RELT: variants seen among roughly 807,000 people sequenced by gnomAD.
RELT encodes the protein tumor necrosis factor receptor superfamily member 19L.
In RELT, 37 loss-of-function variants were observed where a neutral mutation model predicts 51.1. The observed-to-expected ratio is 0.72, with a 90% CI of 0.56 to 0.95. The LOEUF (loss-of-function observed/expected upper bound fraction) is 0.95, where lower values mean the gene tolerates loss of function less well. Among genes scored for constraint, RELT ranks in the 40% least tolerant of loss-of-function variants. The probability of loss-of-function intolerance (pLI) is 0.00; values close to 1 mark genes in which losing one functional copy is unlikely to be tolerated. For synonymous variants in RELT, 241 were observed against 235.7 expected (o/e 1.02, Z -0.21); for missense variants, 535 against 572.6 (o/e 0.93, Z 0.67).
At position 73,392,254 on chromosome 11, in the gene RELT, G is replaced by A. The variant is rs769205190; in HGVS notation, c.411G>A (p.Gly137=). Residue 137 remains glycine (G), a synonymous_variant, in exon 6 of 11, where the codon GGG becomes GGA. Coordinates refer to ENST00000064780, the MANE Select transcript of RELT (RefSeq NM_152222.2). ...RARRGVEVAA[G]ASSGGETRQP... ...GACGTGGCGTGGAGGTGGCAGCAGGGGCCAGCAGCGGTGGTGAGACACGGC... is the reference window on the plus strand; with the variant it reads ...GACGTGGCGTGGAGGTGGCAGCAGGAGCCAGCAGCGGTGGTGAGACACGGC... 6.2e-7 allele frequency: 1 copy of A among 1,612,914 alleles called. No homozygotes were observed.
chr11:73,391,146 G>A lies in RELT; in HGVS notation c.290G>A (p.Trp97Ter), dbSNP rs1866207643. ...DTLCGDCWPG[W>*]FGPWGVPRVP... is the part of the protein sequence containing the mutation. ...AGTGGTATCTTCCCTCCTCGCAGGT[G>A]GTTTGGGCCTTGGGGGGTTCCCCGC... The change falls in exon 5 of 11, where the codon TGG (tryptophan) becomes TAG (stop). Residue 97 changes from tryptophan to a stop codon, truncating the protein, a stop_gained and splice_region_variant. Coordinates refer to ENST00000064780, the MANE Select transcript of RELT (RefSeq NM_152222.2). LOFTEE classifies it high-confidence loss of function. 1.2e-6 allele frequency: 2 copies of A among 1,613,516 alleles called. No individual in the cohort carries two copies. Among genetic ancestry groups the A allele is most frequent in the Non-Finnish European group, 1.7e-6 (2 of 1,179,706 alleles).
chr11:73,395,284 AG>A lies in RELT; in HGVS notation c.1245+1del. The A allele has an allele frequency of 6.2e-7, 1 of 1,612,698 alleles. No individual in the cohort carries two copies. Among genetic ancestry groups the A allele is most frequent in the Non-Finnish European group, 8.5e-7 (1 of 1,179,858 alleles). ...WLKPPAENKAEENRYVVRLSE... is the reference protein window; with the variant it reads ...WLKPPAENKAXENRYVVRLSE... ...AAGCCCCCAGCAGAGAACAAGGCCGAGGTGAGAGTCAAGGAGAAAGGCATCT... is the reference window on the plus strand; with the variant it reads ...AAGCCCCCAGCAGAGAACAAGGCCGAGTGAGAGTCAAGGAGAAAGGCATCT... On this transcript the variant is annotated frameshift_variant and splice_region_variant, in exon 10 of 11. Transcript: ENST00000064780. LOFTEE classifies it high-confidence loss of function.
Position 73,393,859 on chromosome 11 carries a change from TGAG to T in RELT, c.651_653del (p.Glu217del), listed in dbSNP as rs1447932462. 1.2e-6 allele frequency: 2 copies of T among 1,614,088 alleles called. No individual in the cohort carries two copies. Among genetic ancestry groups the T allele is most frequent in the Non-Finnish European group, 1.7e-6 (2 of 1,179,976 alleles). ...CAGGAATCAACCCTGCCTACCGGAC[TGAG>T]GATGCCAATGAGGACACCATTGGGG... On this transcript the variant is annotated inframe_deletion, in exon 7 of 11. Transcript: ENST00000064780.
intron 6 of RELT, chr11:73,392,737 C>T (rs1474694379): frequency 1.4e-5 from 20 of 1,389,850 alleles, no homozygotes; most frequent in Non-Finnish European, 1.8e-5. Context: ...GGGATCTGGA[C>T]TCTTTGGAGG....
At chr11:73,390,967 G>T in intron 4 of RELT, 46 bp downstream of exon 4, 1 of 1,594,756 alleles carries the variant, frequency 6.3e-7, no homozygotes, top group Non-Finnish European at 8.5e-7. Flanking sequence ...GGGTGACCAG[G>T]ACTCTGGATC....
At chr11:73,384,856 G>C (rs1268511952) in intron 1 of RELT, among the ~76,000 whole-genome samples, 1 of 152,246 alleles carries the variant, frequency 6.6e-6, no homozygotes, top group Non-Finnish European at 1.5e-5. Flanking sequence ...CACCATGAAT[G>C]CTGAGGGGGA....
chr11:73,386,815 G>A (rs1488411960), intron 1 of RELT, among the ~76,000 whole-genome samples: 2 of 152,196 alleles, frequency 1.3e-5, no homozygotes, highest in East Asian at 3.8e-4. Flanking sequence ...GGTGGTTCTA[G>A]GGCTCTCTGC....
At position 73,392,311 on chromosome 11, in the gene RELT, A is replaced by AGAG. The variant is rs750371338; in HGVS notation, c.472_474dup (p.Glu158dup). The AGAG allele has an allele frequency of 6.2e-7, 1 of 1,613,546 alleles. No individual in the cohort carries two copies. Among genetic ancestry groups the AGAG allele is most frequent in the East Asian group, 2.2e-5 (1 of 44,870 alleles). ...GGAACGGCACCCGGGCAGGTGGCCC[A>AGAG]GAGGAGACAGCCGCCCAGTACGCGG... is the stretch of plus-strand genomic sequence containing the variant. On this transcript the variant is annotated inframe_insertion, in exon 6 of 11. Coordinates refer to ENST00000064780, the MANE Select transcript of RELT (RefSeq NM_152222.2).
intron 1 of RELT, among the ~76,000 whole-genome samples, chr11:73,382,816 G>A (rs531349872): frequency 1.3e-5 from 2 of 152,168 alleles, no homozygotes; most frequent in African/African-American, 2.4e-5. Flanking sequence ...CTCTCTGCCC[G>A]AGATAACTGT....
At chr11:73,393,792 C>T (rs778024043) in intron 6 of RELT, 45 bp from the exon 7 acceptor site, 63 of 1,587,934 alleles carry the variant, frequency 4.0e-5, no homozygotes, top group Non-Finnish European at 4.5e-5. Flanking sequence ...CTCAGGAGTG[C>T]GGCTTCCCCC....
In RELT at chr11:73,384,060, G is replaced by A. The variant is rs543659462; in HGVS notation, c.-25-5052G>A. 2.0e-5 allele frequency among the ~76,000 whole-genome samples: 3 copies of A among 152,252 alleles called. No individual in the cohort carries two copies. The South Asian group carries it at 6.2e-4, about 32-fold the overall frequency. On this transcript the variant is annotated intron_variant, in intron 1 of 10. Coordinates refer to ENST00000064780, the MANE Select transcript of RELT (RefSeq NM_152222.2). ...AGGCTCAGGAGCCACTATCTGGGAA[G>A]CAGAGTAGCTGCCTCCCTACCTGCC... is the stretch of plus-strand genomic sequence containing the variant.
intron 6 of RELT, chr11:73,392,878 G>T (rs575663325): frequency 9.2e-7 from 1 of 1,081,746 alleles, no homozygotes; most frequent in South Asian, 3.0e-5. Context: ...GTCCTGTCCT[G>T]GGCAGGCACC....
Position 73,394,288 on chromosome 11 carries a change from G to A in RELT, c.759G>A (p.Leu253=), listed in dbSNP as rs767912385. 1.2e-6 allele frequency: 2 copies of A among 1,612,554 alleles called. No homozygotes were observed. The highest frequency in any genetic ancestry group is 1.3e-5 in the African/African-American group (1 of 74,866). The change falls in exon 8 of 11, where the codon CTG becomes CTA. Residue 253 remains leucine (L), a synonymous_variant. Coordinates refer to ENST00000064780, the MANE Select transcript of RELT (RefSeq NM_152222.2). The surrounding 1 kb of genome is among the most constrained non-coding windows in gnomAD (Gnocchi z 4.9). Reference sequence around the variant, plus strand: ...TGAAAGAGTACCACAGCAAACAGCTGGTGCAGACGAGCCACAGGCCTGTGT... The same window carrying A: ...TGAAAGAGTACCACAGCAAACAGCTAGTGCAGACGAGCCACAGGCCTGTGT... The part of the protein sequence containing the change: ...ELLKEYHSKQ[L]VQTSHRPVSK...
rs762894315 is a variant in RELT at position 73,392,207 on chromosome 11, T to G, written c.368-4T>G. 9.9e-6 allele frequency: 16 copies of G among 1,610,772 alleles called. No homozygotes were observed. The highest frequency in any genetic ancestry group is 1.2e-5 in the Non-Finnish European group (14 of 1,178,458). The stretch of plus-strand genomic sequence containing the variant: ...GTCCTGCCTCCATCGTCTGTGATGC[T>G]CAGAGTGGGGGCGGCGGGCCCGACG... On this transcript the variant is annotated splice_region_variant and splice_polypyrimidine_tract_variant and intron_variant, in intron 5 of 10. Transcript: ENST00000064780.
In RELT at chr11:73,396,200, C is replaced by T. The variant is rs1369055198; in HGVS notation, c.*709C>T. 6.5e-6 allele frequency: 1 copy of T among 152,830 alleles called. No homozygotes were observed. The highest frequency in any genetic ancestry group is 2.1e-4 in the South Asian group (1 of 4,842). The allele number at this position is 152,830 out of a possible 1,614,324, so 9.5% of individuals were successfully genotyped here. ...GCTTCCAGGGCCTCTGCCTTCAAGG[C>T]CCCCATGGGGCTGTCCATCCATGGC... On this transcript the variant is annotated 3_prime_UTR_variant, in exon 11 of 11. Transcript: ENST00000064780.
At chr11:73,391,967 G>T (rs73542938) in intron 5 of RELT, 3 of 588,718 alleles carry the variant, frequency 5.1e-6, no homozygotes, top group Non-Finnish European at 9.1e-6. Context: ...CCCAGCGTGA[G>T]GGGAGGGTGG....
At chr11:73,392,839 C>T (rs1866241095) in intron 6 of RELT, 3 of 1,145,772 alleles carry the variant, frequency 2.6e-6, no homozygotes, top group Non-Finnish European at 3.2e-6. Context: ...GCAGGAGTGC[C>T]CTGTGGCAGG....
chr11:73,380,320 G>C (rs899290819), intron 1 of RELT, among the ~76,000 whole-genome samples: 3 of 152,216 alleles, frequency 2.0e-5, no homozygotes, highest in Admixed American at 1.3e-4. Flanking sequence ...CAGAATGTGT[G>C]CTGGCGGGTG....
rs59955477 is a variant in RELT at position 73,389,623 on chromosome 11, C to T, written c.45+442C>T. ...AGGATCACAGGATCAGGCCAGCTGCCCGGAGCTGCAGGCAAGTCCACATTA... is the reference window on the plus strand; with the variant it reads ...AGGATCACAGGATCAGGCCAGCTGCTCGGAGCTGCAGGCAAGTCCACATTA... On this transcript the variant is annotated intron_variant, in intron 2 of 10. Transcript: ENST00000064780. 1.7e-3 allele frequency among the ~76,000 whole-genome samples: 255 copies of T among 152,304 alleles called. No individual in the cohort carries two copies. In the East Asian group the frequency reaches 0.028, roughly 17 times the overall value.
Sources: allele counts gnomAD v4.1 joint callset (sites outside exome capture counted in the v4.1 genomes callset), GRCh38; gene constraint gnomAD v4.1.1; non-coding constraint Gnocchi (gnomAD v3.1); transcripts MANE v1.5; gene names NCBI Gene and HGNC (gene_info 2026-07-23, HGNC 2026-07-21).